The following SMPD2 variants were observed in gnomAD, a reference collection of about 807,000 sequenced individuals.
SMPD2 encodes the protein N-SMase.
In SMPD2, 35 loss-of-function variants were observed where a neutral mutation model predicts 41.7. The observed-to-expected ratio is 0.84, with a 90% CI of 0.64 to 1.11. The LOEUF is 1.11. SMPD2 is among the 50% of genes most tolerant of loss of function. The pLI is 0.00. For missense variants in SMPD2, 520 were observed against 524.8 expected (o/e 0.99, Z 0.09); for synonymous variants, 201 against 208.2 (o/e 0.97, Z 0.30).
Position 109,441,436 on chromosome 6 carries a change from C to G in SMPD2, c.130C>G (p.Leu44Val), listed in dbSNP as rs757169176. ...GDFLNQESFD[L>V]ALLEEVWSEQ... is the part of the protein sequence containing the mutation. The stretch of plus-strand genomic sequence containing the variant: ...CTTTCTGAACCAGGAGAGCTTCGAC[C>G]TGGCTTTGCTGGAGGAGGTGAGATT... Residue 44 changes from leucine (L) to valine (V), a missense_variant, in exon 2 of 10, where the codon CTG becomes GTG. Coordinates refer to ENST00000258052, the MANE Select transcript of SMPD2 (RefSeq NM_003080.3). The G allele has an allele frequency of 4.6e-5, 75 of 1,614,060 alleles. No individual in the cohort carries two copies. Among genetic ancestry groups the G allele is most frequent in the Non-Finnish European group, 6.3e-5 (74 of 1,180,008 alleles).
chr6:109,442,660 T>G, intron 6 of SMPD2, 35 bp downstream of exon 6: 1 of 1,614,116 alleles, frequency 6.2e-7, no homozygotes, highest in South Asian at 1.1e-5. Context: ...GGAAGTGGGA[T>G]GGGACCCAGG....
chr6:109,441,903 G>A, intron 3 of SMPD2, 71 bp from the exon 4 acceptor site: 5 of 1,365,616 alleles, frequency 3.7e-6, no homozygotes, highest in Middle Eastern at 1.8e-4. Context: ...AGAGCTGGAA[G>A]ACAAGGGAGG....
rs2115313642 is a variant in SMPD2, at chr6:109,441,368, A to G, written c.62A>G (p.Tyr21Cys). The G allele has an allele frequency of 6.2e-7, 1 of 1,613,852 alleles. No individual in the cohort carries two copies. Among genetic ancestry groups the G allele is most frequent in the East Asian group, 2.2e-5 (1 of 44,868 alleles). ...CTTCCCTTCCTTAGGGGCATTCCGT[A>G]CTTGAGCAAGCACCGGGCCGACCGC... is the stretch of plus-strand genomic sequence containing the variant. ...IFNLNCWGIP[Y>C]LSKHRADRMR... Residue 21 changes from tyrosine to cysteine, a missense_variant, in exon 2 of 10, where the codon TAC (tyrosine) becomes TGC (cysteine). By Grantham distance (194) the Tyr-to-Cys change is radical (BLOSUM62 -2). Transcript: ENST00000258052.
rs1774874550 is a variant in SMPD2, at chr6:109,441,390, C to T, written c.84C>T (p.Asp28=). The change falls in exon 2 of 10, where the codon GAC becomes GAT. Residue 28 remains aspartate, a synonymous_variant. Transcript: ENST00000258052. ...GIPYLSKHRA[D]RMRRLGDFLN... ...CGTACTTGAGCAAGCACCGGGCCGA[C>T]CGCATGAGGCGCCTGGGAGACTTTC... 1.2e-6 allele frequency: 2 copies of T among 1,614,008 alleles called. No individual in the cohort carries two copies. Among genetic ancestry groups the T allele is most frequent in the Admixed American group, 1.7e-5 (1 of 60,006 alleles).
At chr6:109,441,668 G>T (rs1187787167) in intron 3 of SMPD2, 40 bp downstream of exon 3, 1 of 1,589,188 alleles carries the variant, frequency 6.3e-7, no homozygotes, top group Admixed American at 1.7e-5. Flanking sequence ...GTCATCCCAG[G>T]AGGCTCTTGG....
Position 109,442,744 on chromosome 6 carries a change from T to G in SMPD2, c.492-8T>G, listed in dbSNP as rs1562282920. 2 of 1,613,846 alleles carry G rather than the reference T, an allele frequency of 1.2e-6. No individual in the cohort carries two copies. Among genetic ancestry groups the G allele is most frequent in the Non-Finnish European group, 1.7e-6 (2 of 1,179,988 alleles). ...AGAACTCCCGCCTCACCAACCTGGT[T>G]CCCCCAGCCACACATCCAAGAAGGC... On this transcript the variant is annotated splice_polypyrimidine_tract_variant and splice_region_variant and intron_variant, in intron 6 of 9. Coordinates refer to ENST00000258052, the MANE Select transcript of SMPD2 (RefSeq NM_003080.3).
chr6:109,441,083 A>C lies in SMPD2; in HGVS notation c.-39A>C. On this transcript the variant is annotated 5_prime_UTR_variant, in exon 1 of 10. Coordinates refer to ENST00000258052, the MANE Select transcript of SMPD2 (RefSeq NM_003080.3). ...CCGTCCCCACCGCGGCCGTCGCTGGAGAGTTCGAGCCGCCTAGCGCCCCTG... is the reference window on the plus strand; with the variant it reads ...CCGTCCCCACCGCGGCCGTCGCTGGCGAGTTCGAGCCGCCTAGCGCCCCTG... 1 of 1,611,266 alleles carries C rather than the reference A, an allele frequency of 6.2e-7. No homozygotes were observed. Among genetic ancestry groups the C allele is most frequent in the Non-Finnish European group, 8.5e-7 (1 of 1,177,610 alleles).
rs1774974209 is a variant in SMPD2 at position 109,442,614 on chromosome 6, C to T, written c.480C>T (p.Ala160=). 6.2e-7 allele frequency: 1 copy of T among 1,614,144 alleles called. No homozygotes were observed. Among genetic ancestry groups the T allele is most frequent in the South Asian group, 1.1e-5 (1 of 91,070 alleles). Residue 160 remains alanine, a synonymous_variant, in exon 6 of 10, where the codon GCC becomes GCT. Coordinates refer to ENST00000258052, the MANE Select transcript of SMPD2 (RefSeq NM_003080.3). The stretch of plus-strand genomic sequence containing the variant: ...GTGTGGCCCAAGCTTGGGAATTGGC[C>T]CAGTTCATCCAGTGTGTGAGCCTGG... ...AHRVAQAWEL[A]QFIHHTSKKA...
In SMPD2 at chr6:109,442,804, C is replaced by T; in HGVS notation, c.544C>T (p.His182Tyr). Residue 182 changes from histidine to tyrosine, a missense_variant, in exon 7 of 10, where the codon CAC (histidine) becomes TAC (tyrosine). By Grantham distance (83) the His-to-Tyr change is moderately conservative. Transcript: ENST00000258052. ...VVLLCGDLNM[H>Y]PEDLGCCLLK... The stretch of plus-strand genomic sequence containing the variant: ...TCTGTTGTGTGGAGACCTCAACATG[C>T]ACCCAGAAGACCTGGGCTGCTGCCT... The T allele has an allele frequency of 1.2e-6, 2 of 1,614,166 alleles. No homozygotes were observed. The highest frequency in any genetic ancestry group is 8.5e-7 in the Non-Finnish European group (1 of 1,180,040).
At position 109,443,168 on chromosome 6, in the gene SMPD2, C is replaced by T. The variant is rs1193241561; in HGVS notation, c.729+87C>T. ...AGATCCTTTGCTCAGCTAGTCTAGT[C>T]TTGGACCACTGATGGGTGGAAAGTG... On this transcript the variant is annotated intron_variant, in intron 8 of 9. Transcript: ENST00000258052. 2.7e-6 allele frequency: 4 copies of T among 1,471,728 alleles called. No individual in the cohort carries two copies. The East Asian group carries it at 7.3e-5, about 27-fold the overall frequency. The allele number at this position is 1,471,728 out of a possible 1,614,324, so 91.2% of individuals were successfully genotyped here. A position where few individuals can be genotyped will look rare whatever the true frequency, so the allele number is the denominator to read the frequency against.
rs1260961171 is a variant in SMPD2 at position 109,443,011 on chromosome 6, A to C, written c.659A>C (p.Asn220Thr). The C allele has an allele frequency of 1.9e-6, 3 of 1,614,172 alleles. No homozygotes were observed. Among genetic ancestry groups the C allele is most frequent in the South Asian group, 2.2e-5 (2 of 91,086 alleles). The change falls in exon 8 of 10, where the codon AAC (asparagine) becomes ACC (threonine). Residue 220 changes from asparagine to threonine, a missense_variant. Transcript: ENST00000258052. ...GAAGGCAACACAATGGTACCCAAGA[A>C]CTGCTACGTCAGCCAGCAGGAGCTG... Reference protein sequence around the residue: ...SEEGNTMVPKNCYVSQQELKP... With the variant: ...SEEGNTMVPKTCYVSQQELKP...
intron 1 of SMPD2, 22 bp downstream of exon 1, chr6:109,441,193 G>C (rs773804768): frequency 5.8e-5 from 93 of 1,613,664 alleles, no homozygotes; most frequent in Non-Finnish European, 7.0e-5. Context: ...TGCGGAGTGC[G>C]GTCTGGGGGC....
Position 109,443,766 on chromosome 6 carries a change from A to T in SMPD2, c.1133A>T (p.Glu378Val), listed in dbSNP as rs1304776648. 10 of 1,613,946 alleles carry T rather than the reference A, an allele frequency of 6.2e-6. No homozygotes were observed. The highest frequency in any genetic ancestry group is 8.5e-6 in the Non-Finnish European group (10 of 1,180,006). ...AGAFYLFHVQ[E>V]VNGLYRAQAE... Reference sequence around the variant, plus strand: ...GCATTCTACCTCTTCCACGTACAGGAGGTCAATGGCTTATATAGGGCCCAG... The same window carrying T: ...GCATTCTACCTCTTCCACGTACAGGTGGTCAATGGCTTATATAGGGCCCAG... Residue 378 changes from glutamate to valine, a missense_variant, in exon 10 of 10, where the codon GAG (glutamate) becomes GTG (valine). Transcript: ENST00000258052.
At chr6:109,441,936 CCT>C in intron 3 of SMPD2, 36 bp from the exon 4 acceptor site, 2 of 1,581,210 alleles carry the variant, frequency 1.3e-6, no homozygotes, top group Admixed American at 1.7e-5. Context: ...GGTGTCTCTC[CCT>C]GTTTTTCTGG....
chr6:109,443,868 T>TG lies in SMPD2; in HGVS notation c.1239dup (p.Gln414AlafsTer8), dbSNP rs772346125. On this transcript the variant is annotated frameshift_variant, in exon 10 of 10. Transcript: ENST00000258052. LOFTEE classifies it high-confidence loss of function. ...CCAGAGCCTCAGCCAGCCCTACTCC[T>TG]GGGGCAGCAGGAGGGGGACAGAACT... 10 of 1,612,664 alleles carry TG rather than the reference T, an allele frequency of 6.2e-6. No individual in the cohort carries two copies. The highest frequency in any genetic ancestry group is 8.5e-6 in the Non-Finnish European group (10 of 1,179,668).
chr6:109,442,423 A>G (rs1774957676), intron 5 of SMPD2, 120 bp from the exon 6 acceptor site: 1 of 1,335,632 alleles, frequency 7.5e-7, no homozygotes, highest in South Asian at 1.2e-5. Context: ...TAAGGAAGCA[A>G]TGGGCAAGGC....
intron 8 of SMPD2, 75 bp downstream of exon 8, chr6:109,443,156 A>G (rs1775022586): frequency 5.0e-6 from 7 of 1,398,188 alleles, no homozygotes; most frequent in South Asian, 2.9e-5. Flanking sequence ...TCCTTTGCTC[A>G]GCTAGTCTAG....
Position 109,443,528 on chromosome 6 carries a change from A to G in SMPD2, c.895A>G (p.Arg299Gly), listed in dbSNP as rs999668567. The change falls in exon 10 of 10, where the codon AGG becomes GGG. Residue 299 changes from arginine to glycine, a missense_variant. Coordinates refer to ENST00000258052, the MANE Select transcript of SMPD2 (RefSeq NM_003080.3). ...CTGCTCTGTTGTAGGACCAGCAGAG[A>G]GGTCGCCGTTGATGTGTGTGCTAAA... ...NPSSTHGPAE[R>G]SPLMCVLKEA... 3.1e-6 allele frequency: 5 copies of G among 1,610,258 alleles called. No individual in the cohort carries two copies. The highest frequency in any genetic ancestry group is 4.2e-6 in the Non-Finnish European group (5 of 1,177,448).
chr6:109,441,512 TG>T, intron 2 of SMPD2, 39 bp from the exon 3 acceptor site: 1 of 1,612,896 alleles, frequency 6.2e-7, no homozygotes, highest in Middle Eastern at 1.7e-4. Context: ...ACCGTCCCAC[TG>T]GGGAAAGACC....
Sources: allele counts gnomAD v4.1 joint callset, GRCh38; gene constraint gnomAD v4.1.1; transcripts MANE v1.5; gene names NCBI Gene and HGNC (gene_info 2026-07-23, HGNC 2026-07-21).